The following MYBL2 variants were observed in gnomAD, a reference collection of about 807,000 sequenced individuals.
MYBL2 encodes the protein MYB proto-oncogene like 2.
Under a neutral mutation model 79.9 loss-of-function variants are expected in MYBL2, and 28 were observed. The ratio of observed to expected loss-of-function variants is 0.35; its 90% CI spans 0.26 to 0.48. MYBL2 has a LOEUF of 0.48. Ranked by LOEUF, MYBL2 falls within the 20% of genes least tolerant of loss-of-function variation. The pLI, the probability that MYBL2 is intolerant of heterozygous loss-of-function variation, is 0.99. For synonymous variants in MYBL2, 378 were observed against 361.2 expected (o/e 1.05, Z -0.53); for missense variants, 735 against 893.9 (o/e 0.82, Z 2.27).
At chr20:43,714,963 A>C (rs1313335139) in intron 12 of MYBL2, among the ~76,000 whole-genome samples, 171 bp from the exon 13 acceptor site, 2 of 152,174 alleles carry the variant, frequency 1.3e-5, no homozygotes, top group Non-Finnish European at 2.9e-5. Flanking sequence ...AGTAAGCTTA[A>C]GCTCATGTAA....
At chr20:43,708,791 T>C (rs1568878148) in intron 9 of MYBL2, among the ~76,000 whole-genome samples, 1 of 152,224 alleles carries the variant, frequency 6.6e-6, no homozygotes, top group East Asian at 1.9e-4. Flanking sequence ...TGGAATTTTC[T>C]CATGTTCCTC....
intron 5 of MYBL2, among the ~76,000 whole-genome samples, chr20:43,691,405 T>A (rs1987404326): frequency 6.6e-6 from 1 of 152,046 alleles, no homozygotes; most frequent in Admixed American, 6.6e-5. Context: ...CATCACAACC[T>A]CCACCTCCCG....
intron 5 of MYBL2, among the ~76,000 whole-genome samples, chr20:43,687,353 CTG>C (rs1987301354): frequency 6.6e-6 from 1 of 152,196 alleles, no homozygotes; most frequent in Non-Finnish European, 1.5e-5. Context: ...TCCCAGCTCA[CTG>C]TGTCTTCTTG....
intron 2 of MYBL2, among the ~76,000 whole-genome samples, chr20:43,679,078 G>C (rs1987085499): frequency 6.6e-6 from 1 of 152,036 alleles, no homozygotes; most frequent in Non-Finnish European, 1.5e-5. Context: ...GGAGAGTGGT[G>C]GTGCCAGAGA....
chr20:43,681,234 A>T (rs1471761302), intron 2 of MYBL2, among the ~76,000 whole-genome samples: 1 of 152,146 alleles, frequency 6.6e-6, no homozygotes, highest in African/African-American at 2.4e-5. Flanking sequence ...TGAGTTCAGT[A>T]ATGACCTCCT....
chr20:43,697,184 A>G (rs931592789), intron 6 of MYBL2, among the ~76,000 whole-genome samples: 1 of 152,172 alleles, frequency 6.6e-6, no homozygotes, highest in African/African-American at 2.4e-5. Flanking sequence ...AATACCGGCT[A>G]TGGTTATATG....
chr20:43,692,636 T>TA (rs1378790920), intron 6 of MYBL2, among the ~76,000 whole-genome samples: 2 of 152,128 alleles, frequency 1.3e-5, no homozygotes, highest in African/African-American at 4.8e-5. Context: ...ATGTTTGCAA[T>TA]AAAAAAATCA....
Position 43,698,657 on chromosome 20 carries a change from C to T in MYBL2, c.664-1100C>T, listed in dbSNP as rs1246160606. 3.5e-5 allele frequency among the ~76,000 whole-genome samples: 5 copies of T among 143,298 alleles called. No homozygotes were observed. In the East Asian group the frequency reaches 8.0e-4, roughly 23 times the overall value. 94.0% of individuals were successfully genotyped at this position (143,298 alleles called of 152,430 possible). On this transcript the variant is annotated intron_variant, in intron 6 of 13. Transcript: ENST00000217026. ...CCTCCCAATGTGCTGGGATTACAGG[C>T]GTGATTTTTTTTTTTTTTTTTTTTT...
intron 9 of MYBL2, among the ~76,000 whole-genome samples, chr20:43,706,427 A>G (rs1987784352): frequency 6.6e-6 from 1 of 151,916 alleles, no homozygotes; most frequent in Non-Finnish European, 1.5e-5. Context: ...AATTCCAGGT[A>G]GAGAGAGTTG....
intron 3 of MYBL2, 102 bp downstream of exon 3, chr20:43,681,957 C>A: frequency 8.1e-7 from 1 of 1,229,496 alleles, no homozygotes; most frequent in Non-Finnish European, 1.2e-6. Context: ...GAGTTCCTTA[C>A]TCAGCCCCTG....
intron 12 of MYBL2, among the ~76,000 whole-genome samples, chr20:43,714,081 C>T (rs285173): frequency 0.92 from 140,378 of 152,230 alleles, 64,843 homozygotes; most frequent in African/African-American, 0.95. Context: ...AAAACATCAC[C>T]GCAGGGAGTG....
At chr20:43,677,527 A>G (rs765747770) in intron 2 of MYBL2, among the ~76,000 whole-genome samples, 1 of 152,256 alleles carries the variant, frequency 6.6e-6, no homozygotes, top group Non-Finnish European at 1.5e-5. Flanking sequence ...GAAAGGGGCT[A>G]TAGGTGGAGA....
intron 9 of MYBL2, among the ~76,000 whole-genome samples, chr20:43,709,408 A>G (rs910358539): frequency 6.6e-6 from 1 of 152,196 alleles, no homozygotes; most frequent in African/African-American, 2.4e-5. Context: ...GTGGGTCTAC[A>G]TCTGATAGAA....
intron 5 of MYBL2, among the ~76,000 whole-genome samples, chr20:43,689,549 T>C (rs1322912791): frequency 2.0e-5 from 3 of 152,176 alleles, no homozygotes; most frequent in East Asian, 1.9e-4. Flanking sequence ...CTTGTGCCTA[T>C]TGTGTAGCTA....
intron 1 of MYBL2, among the ~76,000 whole-genome samples, chr20:43,669,913 C>T (rs920309867): frequency 6.6e-6 from 1 of 152,132 alleles, no homozygotes; most frequent in African/African-American, 2.4e-5. Context: ...ACCAGCTTGA[C>T]CAATATGGTG....
At chr20:43,688,560 G>T (rs1408828514) in intron 5 of MYBL2, among the ~76,000 whole-genome samples, 1 of 152,040 alleles carries the variant, frequency 6.6e-6, no homozygotes, top group East Asian at 1.9e-4. Flanking sequence ...ATGGCTCATT[G>T]CAGCTTCACC....
In MYBL2 at chr20:43,702,697, G is replaced by T; in HGVS notation, c.1159G>T (p.Gly387Cys). 1.2e-6 allele frequency: 2 copies of T among 1,613,600 alleles called. No homozygotes were observed. The highest frequency in any genetic ancestry group is 1.7e-6 in the Non-Finnish European group (2 of 1,179,654). Reference sequence around the variant, plus strand: ...CTCAGACCTGAGCCGGAGCAGCCGGGGCGAGCTGATCCCCATCTCCCCCAG... The same window carrying T: ...CTCAGACCTGAGCCGGAGCAGCCGGTGCGAGCTGATCCCCATCTCCCCCAG... ...TISDLSRSSR[G>C]ELIPISPSTE... The change falls in exon 8 of 14, where the codon GGC becomes TGC. Residue 387 changes from glycine to cysteine, a missense_variant. Physicochemically the swap from Gly to Cys is radical, Grantham distance 159 (BLOSUM62 -3). Transcript: ENST00000217026.
At position 43,705,310 on chromosome 20, in the gene MYBL2, C is replaced by T; in HGVS notation, c.1457C>T (p.Thr486Ile). ...GTGTGCAGCCAGAAGGTGGTGGTCACCACACCACTGCACCGGGACAAGACA... is the reference window on the plus strand; with the variant it reads ...GTGTGCAGCCAGAAGGTGGTGGTCATCACACCACTGCACCGGGACAAGACA... ...TPVCSQKVVVTTPLHRDKTPL... is the reference protein window; with the variant it reads ...TPVCSQKVVVITPLHRDKTPL... The change falls in exon 9 of 14, where the codon ACC becomes ATC. Residue 486 changes from threonine to isoleucine, a missense_variant. Physicochemically the swap from Thr to Ile is moderately conservative, Grantham distance 89. Coordinates refer to ENST00000217026, the MANE Select transcript of MYBL2 (RefSeq NM_002466.4). The T allele has an allele frequency of 1.2e-6, 2 of 1,614,038 alleles. No homozygotes were observed. The highest frequency in any genetic ancestry group is 2.2e-5 in the East Asian group (1 of 44,884).
At chr20:43,699,061 A>T (rs1382774192) in intron 6 of MYBL2, among the ~76,000 whole-genome samples, 1 of 151,472 alleles carries the variant, frequency 6.6e-6, no homozygotes, top group Non-Finnish European at 1.5e-5. Flanking sequence ...TTTTTGAGAC[A>T]GAGTTTTGCT....
Sources: allele counts gnomAD v4.1 joint callset (sites outside exome capture counted in the v4.1 genomes callset), GRCh38; gene constraint gnomAD v4.1.1; transcripts MANE v1.5; gene names NCBI Gene and HGNC (gene_info 2026-07-23, HGNC 2026-07-21).